Variants in DPYD observed in about 807,000 individuals in gnomAD.
The protein encoded by DPYD is dihydropyrimidine dehydrogenase.
In DPYD, 109 loss-of-function variants were observed where a neutral mutation model predicts 116.2. That is an observed-to-expected ratio of 0.94 (90% confidence interval 0.80 to 1.10). The LOEUF (loss-of-function observed/expected upper bound fraction) is 1.10, where lower values mean the gene tolerates loss of function less well. Among genes scored for constraint, DPYD ranks in the 50% least tolerant of loss-of-function variants. The pLI, the probability that DPYD is intolerant of heterozygous loss-of-function variation, is 0.00. For synonymous variants in DPYD, 440 were observed against 432.0 expected (o/e 1.02, Z -0.23); for missense variants, 1,302 against 1,254.5 (o/e 1.04, Z -0.57).
At position 97,195,630 on chromosome 1, in the gene DPYD, A is replaced by ATGTGTATG. The variant is rs1557929522; in HGVS notation, c.2443-2383_2443-2382insCATACACA. ...TGTATATATATGTATGTGTATATGT[A>ATGTGTATG]TGTGTATATATATATATATATATAT... On this transcript the variant is annotated intron_variant, in intron 19 of 22. Coordinates refer to ENST00000370192, the MANE Select transcript of DPYD (RefSeq NM_000110.4). Among the ~76,000 whole-genome samples the ATGTGTATG allele has an allele frequency of 1.6e-3, 77 of 47,194 alleles. 2 individuals are homozygous for ATGTGTATG. The highest frequency in any genetic ancestry group is 2.7e-3 in the Admixed American group (8 of 2,968). 31.0% of individuals were successfully genotyped at this position (47,194 alleles called of 152,430 possible).
rs1236599037 is a variant in DPYD, at chr1:97,384,251, A to AC, written c.1906-1791_1906-1790insG. Among the ~76,000 whole-genome samples, 3 of 151,772 alleles carry AC rather than the reference A, an allele frequency of 2.0e-5. No individual in the cohort carries two copies. The East Asian group carries it at 5.8e-4, about 29-fold the overall frequency. Reference sequence around the variant, plus strand: ...AGCTTTTTTATTTACTTTGAGAAAAAAAAAAAAAAAGATATGCTGTAAAAG... The same window carrying AC: ...AGCTTTTTTATTTACTTTGAGAAAAACAAAAAAAAAAGATATGCTGTAAAAG... On this transcript the variant is annotated intron_variant, in intron 14 of 22. Transcript: ENST00000370192.
intron 20 of DPYD, among the ~76,000 whole-genome samples, chr1:97,173,734 A>C (rs1189449184): frequency 1.3e-5 from 2 of 150,376 alleles, no homozygotes; most frequent in African/African-American, 2.5e-5. Context: ...ATGTAAAATA[A>C]ATTCTAATTA....
At chr1:97,746,326 T>C (rs541290614) in intron 3 of DPYD, among the ~76,000 whole-genome samples, 9 of 152,258 alleles carry the variant, frequency 5.9e-5, no homozygotes, top group African/African-American at 2.2e-4. Flanking sequence ...AAACATACTT[T>C]TATTAGCATA....
intron 8 of DPYD, 127 bp downstream of exon 8, chr1:97,678,968 A>C: frequency 2.3e-6 from 1 of 438,594 alleles, no homozygotes; most frequent in Non-Finnish European, 4.1e-6. Flanking sequence ...AATCATTTCT[A>C]TCTGTTATTC....
At chr1:97,887,368 G>A (rs929841036) in intron 1 of DPYD, among the ~76,000 whole-genome samples, 1 of 148,862 alleles carries the variant, frequency 6.7e-6, no homozygotes, top group African/African-American at 2.5e-5. Flanking sequence ...TACTCAGAAG[G>A]CTGAAGCAGG....
intron 2 of DPYD, among the ~76,000 whole-genome samples, chr1:97,861,079 A>G (rs1300073682): frequency 6.6e-6 from 1 of 152,020 alleles, no homozygotes; most frequent in African/African-American, 2.4e-5. Context: ...CAGAAAGACA[A>G]TTTACTAGTA....
intron 20 of DPYD, among the ~76,000 whole-genome samples, chr1:97,169,872 A>T (rs944306168): frequency 1.3e-5 from 2 of 152,136 alleles, no homozygotes; most frequent in African/African-American, 2.4e-5. Flanking sequence ...ACATCCTTGG[A>T]GCTCTCCATC....
chr1:97,105,842 A>T (rs886519731), intron 20 of DPYD, among the ~76,000 whole-genome samples: 3 of 152,144 alleles, frequency 2.0e-5, no homozygotes, highest in African/African-American at 7.2e-5. Context: ...TATGCTGAAA[A>T]ATTCTGAAAG....
At chr1:97,429,934 A>G (rs1675081505) in intron 14 of DPYD, among the ~76,000 whole-genome samples, 1 of 152,136 alleles carries the variant, frequency 6.6e-6, no homozygotes, top group Admixed American at 6.6e-5. Flanking sequence ...GAAGTATGAT[A>G]TGCTTAATAA....
rs752985272 is a variant in DPYD, at chr1:97,593,249, C to A, written c.1097G>T (p.Gly366Val). The A allele has an allele frequency of 1.2e-6, 2 of 1,614,070 alleles. No individual in the cohort carries two copies. Among genetic ancestry groups the A allele is most frequent in the Non-Finnish European group, 1.7e-6 (2 of 1,180,012 alleles). ...AGGGACAGCTCTTATATTAACAAAG[C>A]CTTTTCTGAAGACGATGAACACACG... Reference protein sequence around the residue: ...ARRVFIVFRKGFVNIRAVPEE... With the variant: ...ARRVFIVFRKVFVNIRAVPEE... Residue 366 changes from glycine (G) to valine (V), a missense_variant, in exon 10 of 23, where the codon GGC becomes GTC. Transcript: ENST00000370192.
intron 8 of DPYD, among the ~76,000 whole-genome samples, chr1:97,606,627 G>A (rs181540552): frequency 6.6e-6 from 1 of 151,926 alleles, no homozygotes; most frequent in Admixed American, 6.6e-5. Flanking sequence ...AAATAGGCAG[G>A]GTCCAAACTA....
At chr1:97,593,139 A>T in intron 10 of DPYD, 79 bp downstream of exon 10, 1 of 1,504,804 alleles carries the variant, frequency 6.6e-7, no homozygotes, top group Non-Finnish European at 9.2e-7. Flanking sequence ...TCAACATTCT[A>T]GCGATTTAAA....
intron 20 of DPYD, among the ~76,000 whole-genome samples, chr1:97,147,857 G>A (rs969110624): frequency 6.6e-6 from 1 of 152,176 alleles, no homozygotes; most frequent in African/African-American, 2.4e-5. Flanking sequence ...GTAGAATCAA[G>A]AGGGTGAGTG....
chr1:97,528,261 AATT>A (rs1304486551), intron 12 of DPYD, among the ~76,000 whole-genome samples: 3 of 152,178 alleles, frequency 2.0e-5, no homozygotes, highest in Non-Finnish European at 4.4e-5. Flanking sequence ...CATTTTGAGA[AATT>A]ATTATTCATA....
chr1:97,902,013 A>G (rs1355613168), intron 1 of DPYD, among the ~76,000 whole-genome samples: 1 of 151,764 alleles, frequency 6.6e-6, no homozygotes, highest in Non-Finnish European at 1.5e-5. Context: ...CATAGTCTAA[A>G]ATTCTCTGCT....
intron 3 of DPYD, among the ~76,000 whole-genome samples, chr1:97,751,221 T>G (rs1253795979): frequency 1.3e-5 from 2 of 151,208 alleles, no homozygotes; most frequent in African/African-American, 4.9e-5. Flanking sequence ...TACTGGAACC[T>G]ACTTAGAAGA....
chr1:97,716,966 C>A (rs189094484), intron 5 of DPYD, among the ~76,000 whole-genome samples: 7 of 151,760 alleles, frequency 4.6e-5, no homozygotes, highest in African/African-American at 1.4e-4. Flanking sequence ...ATATTAGTGT[C>A]AAATGTGTAT....
At chr1:97,560,991 T>G (rs1485150096) in intron 11 of DPYD, among the ~76,000 whole-genome samples, 1 of 152,060 alleles carries the variant, frequency 6.6e-6, no homozygotes, top group Non-Finnish European at 1.5e-5. Flanking sequence ...AGGTTTTATG[T>G]GGGTGAAGGA....
intron 20 of DPYD, among the ~76,000 whole-genome samples, chr1:97,151,794 T>C (rs1043709678): frequency 7.9e-5 from 12 of 152,200 alleles, no homozygotes; most frequent in African/African-American, 2.9e-4. Context: ...AATCTTCAAA[T>C]CCCTGTTCTT....
Sources: allele counts gnomAD v4.1 joint callset (sites outside exome capture counted in the v4.1 genomes callset), GRCh38; gene constraint gnomAD v4.1.1; transcripts MANE v1.5; gene names NCBI Gene and HGNC (gene_info 2026-07-23, HGNC 2026-07-21).